CFAP44: variants seen among roughly 807,000 people sequenced by gnomAD.
CFAP44 encodes the protein cilia and flagella associated protein 44.
A neutral mutation model predicts 216.2 loss-of-function variants in CFAP44; 134 were observed. The ratio of observed to expected loss-of-function variants is 0.62; its 90% confidence interval spans 0.54 to 0.72. The LOEUF (loss-of-function observed/expected upper bound fraction) is 0.72, where lower values mean the gene tolerates loss of function less well. Ranked by LOEUF, CFAP44 falls within the 30% of genes least tolerant of loss-of-function variation. The pLI, the probability that CFAP44 is intolerant of heterozygous loss-of-function variation, is 0.00. For synonymous variants in CFAP44, 700 were observed against 727.6 expected (o/e 0.96, Z 0.61); for missense variants, 2,035 against 2,182.1 (o/e 0.93, Z 1.34).
Position 113,389,384 on chromosome 3 carries a change from G to T in CFAP44, c.1890+6366C>A, listed in dbSNP as rs374176665. Among the ~76,000 whole-genome samples, 16 of 151,980 alleles carry T rather than the reference G, an allele frequency of 1.1e-4. No individual in the cohort carries two copies. The South Asian group carries it at 1.5e-3, about 14-fold the overall frequency. ...GTATACGGTGAAAGCAGTACTAAGA[G>T]AAAAGTTTATAGCTATAAGCAACTA... On this transcript the variant is annotated intron_variant, in intron 15 of 34. Transcript: ENST00000393845.
Position 113,286,964 on chromosome 3 carries a change from G to T in CFAP44, c.*4593C>A. ...AATTGGTATTTATTTTTCTATTATA[G>T]CCATATTTATATATTTATGCACTTG... is the stretch of plus-strand genomic sequence containing the variant. On this transcript the variant is annotated 3_prime_UTR_variant, in exon 35 of 35. Transcript: ENST00000393845. 8.7e-7 allele frequency: 1 copy of T among 1,153,514 alleles called. No homozygotes were observed. The highest frequency in any genetic ancestry group is 1.5e-5 in the South Asian group (1 of 68,092). The allele number at this position is 1,153,514 out of a possible 1,614,324, so 71.5% of individuals were successfully genotyped here.
chr3:113,414,853 T>G (rs1459690058), intron 6 of CFAP44, among the ~76,000 whole-genome samples: 1 of 152,154 alleles, frequency 6.6e-6, no homozygotes, highest in Non-Finnish European at 1.5e-5. Context: ...CCGGTTTTGG[T>G]ATCAGGATGA....
chr3:113,397,481 G>A (rs187316110), intron 13 of CFAP44: 1 of 152,294 alleles, frequency 6.6e-6, no homozygotes. Context: ...GGTTCCAGGG[G>A]GAAGTGGTAG....
intron 25 of CFAP44, among the ~76,000 whole-genome samples, chr3:113,331,646 C>G (rs1950241975): frequency 6.6e-6 from 1 of 150,894 alleles, no homozygotes; most frequent in South Asian, 2.1e-4. Context: ...TGTGAAGTGT[C>G]TGAAGGACTG....
At chr3:113,378,100 T>C (rs1933402182) in intron 17 of CFAP44, among the ~76,000 whole-genome samples, 1 of 152,192 alleles carries the variant, frequency 6.6e-6, no homozygotes, top group Non-Finnish European at 1.5e-5. Flanking sequence ...GGTCTCGAAC[T>C]CTTGGGCTCA....
rs550347329 is a variant in CFAP44 at position 113,359,931 on chromosome 3, G to T, written c.2935-1056C>A. On this transcript the variant is annotated intron_variant, in intron 21 of 34. Coordinates refer to ENST00000393845, the MANE Select transcript of CFAP44 (RefSeq NM_001164496.2). ...TTTTAAAAATTTTGTAGATCAACCG[G>T]GTACTGTCTTTTCAACAGATCTGAT... is the stretch of plus-strand genomic sequence containing the variant. 1.4e-4 allele frequency among the ~76,000 whole-genome samples: 21 copies of T among 152,140 alleles called. No homozygotes were observed. The South Asian group carries it at 4.0e-3, about 29-fold the overall frequency.
chr3:113,315,170 T>C (rs1950075346), intron 28 of CFAP44, among the ~76,000 whole-genome samples: 1 of 151,194 alleles, frequency 6.6e-6, no homozygotes, highest in Non-Finnish European at 1.5e-5. Context: ...TATCCAATCA[T>C]ACGCTGACTA....
chr3:113,301,443 G>T (rs1949933985), intron 32 of CFAP44, among the ~76,000 whole-genome samples: 1 of 152,102 alleles, frequency 6.6e-6, no homozygotes, highest in Non-Finnish European at 1.5e-5. Flanking sequence ...TTGTTAATAA[G>T]TTGGGTGGGT....
chr3:113,378,580 T>C (rs191116551), intron 17 of CFAP44, among the ~76,000 whole-genome samples: 2 of 152,240 alleles, frequency 1.3e-5, no homozygotes, highest in Admixed American at 1.3e-4. Flanking sequence ...CCACACACAC[T>C]TTTATGAAAT....
At chr3:113,410,144 CTTG>C (rs1360235794) in intron 6 of CFAP44, among the ~76,000 whole-genome samples, 1 of 151,624 alleles carries the variant, frequency 6.6e-6, no homozygotes, top group African/African-American at 2.4e-5. Context: ...TCTTAATAAA[CTTG>C]TTTTCTTTTT....
chr3:113,392,327 T>C (rs1014271090), intron 15 of CFAP44, among the ~76,000 whole-genome samples: 2 of 151,574 alleles, frequency 1.3e-5, no homozygotes, highest in Non-Finnish European at 2.9e-5. Flanking sequence ...TGGTCTCCCT[T>C]ACTTGTGAGC....
intron 7 of CFAP44, among the ~76,000 whole-genome samples, chr3:113,407,892 T>A (rs1934330936): frequency 6.6e-6 from 1 of 152,240 alleles, no homozygotes; most frequent in South Asian, 2.1e-4. Context: ...TACTCTGGGT[T>A]CCTTCATAGC....
At chr3:113,439,667 A>G (rs1417416774) in intron 1 of CFAP44, among the ~76,000 whole-genome samples, 1 of 152,228 alleles carries the variant, frequency 6.6e-6, no homozygotes, top group Non-Finnish European at 1.5e-5. Context: ...TGACAGGGTC[A>G]ACTCTAAGGA....
intron 28 of CFAP44, among the ~76,000 whole-genome samples, chr3:113,319,632 C>T (rs1048764235): frequency 5.3e-5 from 8 of 152,174 alleles, no homozygotes; most frequent in Non-Finnish European, 1.2e-4. Flanking sequence ...TTAGAATATA[C>T]ATTCTTCTCA....
chr3:113,386,426 TTTG>T (rs1223191969), intron 15 of CFAP44, among the ~76,000 whole-genome samples: 1 of 152,244 alleles, frequency 6.6e-6, no homozygotes, highest in African/African-American at 2.4e-5. Context: ...CTGTAGGTCT[TTTG>T]TCTGTCTTTT....
chr3:113,428,159 G>A (rs140949736), intron 2 of CFAP44, among the ~76,000 whole-genome samples: 8 of 152,284 alleles, frequency 5.3e-5, no homozygotes, highest in African/African-American at 1.9e-4. Context: ...AGGGGGCCCT[G>A]GAGAACTACT....
At chr3:113,431,048 G>A (rs78249565) in intron 2 of CFAP44, among the ~76,000 whole-genome samples, 3,832 of 152,034 alleles carry the variant, frequency 0.025, 61 homozygotes, top group East Asian at 0.052. Context: ...CTGCTTGGGT[G>A]GAATACAAGG....
rs561362737 is a variant in CFAP44 at position 113,391,058 on chromosome 3, A to T, written c.1890+4692T>A. 5.3e-5 allele frequency among the ~76,000 whole-genome samples: 8 copies of T among 152,296 alleles called. No individual in the cohort carries two copies. In the East Asian group the frequency reaches 1.5e-3, roughly 29 times the overall value. On this transcript the variant is annotated intron_variant, in intron 15 of 34. Coordinates refer to ENST00000393845, the MANE Select transcript of CFAP44 (RefSeq NM_001164496.2). ...AAAGCTATGCTGAACAGAAAGAACAAAGCTGGAGAAATCACATTAGCTGAC... is the reference window on the plus strand; with the variant it reads ...AAAGCTATGCTGAACAGAAAGAACATAGCTGGAGAAATCACATTAGCTGAC...
At chr3:113,316,676 C>T (rs1030179862) in intron 28 of CFAP44, among the ~76,000 whole-genome samples, 2 of 152,064 alleles carry the variant, frequency 1.3e-5, no homozygotes, top group Non-Finnish European at 1.5e-5. Context: ...TGAGACCATC[C>T]TGGCCAACAC....
Sources: gnomAD v4.1 joint callset for allele counts (sites outside exome capture counted in the v4.1 genomes callset) on GRCh38, gnomAD v4.1.1 for gene constraint, MANE v1.5 for transcripts, NCBI Gene and HGNC (gene_info 2026-07-23, HGNC 2026-07-21) for gene names.